Variants in SYCP2 observed in about 807,000 individuals in gnomAD.
The protein encoded by SYCP2 is synaptonemal complex protein 2.
In SYCP2, 55 loss-of-function variants were observed where a neutral mutation model predicts 211.3. The observed-to-expected ratio is 0.26, with a 90% CI of 0.21 to 0.33. The LOEUF is 0.33. Ranked by LOEUF, SYCP2 falls within the 10% of genes least tolerant of loss-of-function variation. The pLI is 1.00. For synonymous variants in SYCP2, 570 were observed against 555.2 expected (o/e 1.03, Z -0.37); for missense variants, 1,731 against 1,752.0 (o/e 0.99, Z 0.21).
At chr20:59,869,710 T>C in intron 36 of SYCP2, 88 bp downstream of exon 36, 1 of 688,206 alleles carries the variant, frequency 1.5e-6, no homozygotes, top group South Asian at 2.5e-5. Flanking sequence ...ATTAAAATAT[T>C]ATAATTACCA....
intron 4 of SYCP2, 92 bp downstream of exon 4, chr20:59,921,218 C>T: frequency 9.3e-7 from 1 of 1,070,892 alleles, no homozygotes. Flanking sequence ...CTTGCCCAAG[C>T]CTATTCATTT....
At chr20:59,933,009 C>T (rs2060796832) in intron 1 of SYCP2, among the ~76,000 whole-genome samples, 1 of 152,078 alleles carries the variant, frequency 6.6e-6, no homozygotes, top group South Asian at 2.1e-4. Context: ...ACCCTTTTCC[C>T]AGGGTCACCC....
intron 37 of SYCP2, 55 bp from the exon 38 acceptor site, chr20:59,868,623 C>T (rs2059395054): frequency 6.6e-7 from 1 of 1,507,324 alleles, no homozygotes; most frequent in Non-Finnish European, 8.8e-7. Flanking sequence ...AAAAATACCT[C>T]ATATTTTCTT....
intron 19 of SYCP2, among the ~76,000 whole-genome samples, 180 bp downstream of exon 19, chr20:59,896,249 T>C (rs2060004901): frequency 6.6e-6 from 1 of 152,126 alleles, no homozygotes; most frequent in Non-Finnish European, 1.5e-5. Context: ...TTCAACACTG[T>C]TCTGTTCATA....
In SYCP2 at chr20:59,925,011, G is replaced by C. The variant is rs889566160; in HGVS notation, c.-46-2552C>G. ...TACCATATGCAAACACCATTTCCAG[G>C]TGGAATGAAAATTGAGAACAATTAA... On this transcript the variant is annotated intron_variant, in intron 2 of 44. Coordinates refer to ENST00000357552, the MANE Select transcript of SYCP2 (RefSeq NM_014258.4). Among the ~76,000 whole-genome samples, 14 of 152,070 alleles carry C rather than the reference G, an allele frequency of 9.2e-5. No individual in the cohort carries two copies. The East Asian group carries it at 2.5e-3, about 27-fold the overall frequency.
chr20:59,873,100 A>G (rs2059486590), intron 35 of SYCP2, among the ~76,000 whole-genome samples: 1 of 152,060 alleles, frequency 6.6e-6, no homozygotes, highest in African/African-American at 2.4e-5. Context: ...ACCCTATTAT[A>G]CTATGCACAG....
At chr20:59,929,290 A>G (rs1426340375) in intron 2 of SYCP2, among the ~76,000 whole-genome samples, 1 of 150,314 alleles carries the variant, frequency 6.7e-6, no homozygotes, top group Non-Finnish European at 1.5e-5. Context: ...ATTGGAAATC[A>G]TGTATGTACT....
rs144040478 is a variant in SYCP2, at chr20:59,875,611, A to G, written c.3151-142T>C. The G allele has an allele frequency of 2.5e-3, 1,445 of 569,526 alleles. 24 individuals are homozygous for G. The highest frequency in any genetic ancestry group is 0.025 in the African/African-American group (1,295 of 52,732). The allele number at this position is 569,526 out of a possible 1,614,324, so 35.3% of individuals were successfully genotyped here. On this transcript the variant is annotated intron_variant, in intron 33 of 44. Transcript: ENST00000357552. ...AACAAGGACCTAGACATGAGTAGTG[A>G]AAGACTTTCTAATATACTAGAAGCC...
At chr20:59,868,071 A>C (rs1420739310) in intron 38 of SYCP2, among the ~76,000 whole-genome samples, 1 of 151,816 alleles carries the variant, frequency 6.6e-6, no homozygotes, top group Non-Finnish European at 1.5e-5. Flanking sequence ...AGCAGAAATG[A>C]CTACTTTAAG....
At chr20:59,900,911 CCT>C (rs1377268587) in intron 16 of SYCP2, 93 bp from the exon 17 acceptor site, 55 of 1,003,458 alleles carry the variant, frequency 5.5e-5, no homozygotes, top group South Asian at 7.4e-5. Flanking sequence ...GTAATTATTT[CCT>C]GTTTTCTTCC....
At chr20:59,876,331 A>ACT (rs1290987766) in intron 33 of SYCP2, among the ~76,000 whole-genome samples, 1 of 132,468 alleles carries the variant, frequency 7.5e-6, no homozygotes, top group Non-Finnish European at 1.6e-5. Flanking sequence ...AGATGACACC[A>ACT]CTGCACTCCA....
chr20:59,880,528 AG>A (rs35005775), intron 30 of SYCP2, 57 bp from the exon 31 acceptor site: 1 of 1,065,702 alleles, frequency 9.4e-7, no homozygotes, highest in Admixed American at 3.3e-5. Context: ...ATGTCATGCA[AG>A]GTAAGTTAAA....
At position 59,875,415 on chromosome 20, in the gene SYCP2, T is replaced by C. The variant is rs761892557; in HGVS notation, c.3205A>G (p.Lys1069Glu). The change falls in exon 34 of 45, where the codon AAA becomes GAA. Residue 1069 changes from lysine (K) to glutamate (E), a missense_variant. Coordinates refer to ENST00000357552, the MANE Select transcript of SYCP2 (RefSeq NM_014258.4). ...KTVKLPKKQQ[K>E]VFCAETEKEL... The stretch of plus-strand genomic sequence containing the variant: ...TTTTCTGTTTCAGCACAGAAGACTT[T>C]CTGTTGTTTCTTTGGTAGCTTTACC... The C allele has an allele frequency of 6.2e-7, 1 of 1,612,898 alleles. No individual in the cohort carries two copies. The highest frequency in any genetic ancestry group is 1.3e-5 in the African/African-American group (1 of 74,866).
At chr20:59,890,746 G>C (rs1296952453) in intron 24 of SYCP2, among the ~76,000 whole-genome samples, 1 of 151,318 alleles carries the variant, frequency 6.6e-6, no homozygotes, top group East Asian at 1.9e-4. Flanking sequence ...AGATTATTAG[G>C]TTTTGTGCTC....
chr20:59,865,633 A>G lies in SYCP2; in HGVS notation c.4398T>C (p.Thr1466=), dbSNP rs761287065. The G allele has an allele frequency of 2.5e-6, 4 of 1,599,136 alleles. No homozygotes were observed. Among genetic ancestry groups the G allele is most frequent in the South Asian group, 2.3e-5 (2 of 87,932 alleles). ...TACAGAAGACACTTTTAGCCAATGA[A>G]GTTTTCAAAAGATGAAGCCTAAGAA... ...SEQQRLHLLK[T]SLAKSVFCNT... Residue 1466 remains threonine (T), a synonymous_variant, in exon 43 of 45, where the codon ACT becomes ACC. Coordinates refer to ENST00000357552, the MANE Select transcript of SYCP2 (RefSeq NM_014258.4).
At chr20:59,886,669 G>A in intron 25 of SYCP2, 38 bp downstream of exon 25, 2 of 1,463,002 alleles carry the variant, frequency 1.4e-6, no homozygotes, top group Admixed American at 2.5e-5. Context: ...AGTTGTATCT[G>A]TCAGAAAAAT....
chr20:59,893,305 G>A (rs1022598287), intron 21 of SYCP2, 106 bp from the exon 22 acceptor site: 12 of 819,058 alleles, frequency 1.5e-5, no homozygotes, highest in Admixed American at 2.7e-5. Flanking sequence ...TGGGATGAAC[G>A]GATTGATCGA....
chr20:59,876,369 C>CAAAAAAAAAAAAAAAAAAAAAAAAAAAAA (rs765782164), intron 33 of SYCP2, among the ~76,000 whole-genome samples: 2 of 23,090 alleles, frequency 8.7e-5, no homozygotes, highest in Non-Finnish European at 8.9e-5. Flanking sequence ...GGCTGTGTCT[C>CAAAAAAAAAAAAAAAAAAAAAAAAAAAAA]AAAAAAAAAA....
chr20:59,884,851 A>G (rs1370273464), intron 26 of SYCP2, among the ~76,000 whole-genome samples: 1 of 152,098 alleles, frequency 6.6e-6, no homozygotes, highest in Non-Finnish European at 1.5e-5. Flanking sequence ...TAGTGAAAAA[A>G]CAGAAGAAAA....
Sources: allele counts gnomAD v4.1 joint callset (sites outside exome capture counted in the v4.1 genomes callset), GRCh38; gene constraint gnomAD v4.1.1; transcripts MANE v1.5; gene names NCBI Gene and HGNC (gene_info 2026-07-23, HGNC 2026-07-21).